The following EYS variants were observed in gnomAD, a reference collection of about 807,000 sequenced individuals.
EYS encodes the protein protein eyes shut homolog.
A neutral mutation model predicts 282.1 loss-of-function variants in EYS; 250 were observed. That is an observed-to-expected ratio of 0.89 (90% CI 0.80 to 0.98). The LOEUF (loss-of-function observed/expected upper bound fraction) is 0.98. EYS is among the 50% of genes least tolerant of loss of function. EYS has a pLI of 0.00. For synonymous variants in EYS, 1,355 were observed against 1,282.9 expected (o/e 1.06, Z -1.20); for missense variants, 4,016 against 3,709.0 (o/e 1.08, Z -2.15).
At chr6:64,652,405 C>T (rs1488805911) in intron 22 of EYS, among the ~76,000 whole-genome samples, 1 of 152,132 alleles carries the variant, frequency 6.6e-6, no homozygotes, top group African/African-American at 2.4e-5. Flanking sequence ...GGGCAAGGAC[C>T]TAACGATGCA....
rs577982527 is a variant in EYS, at chr6:65,179,728, C to T, written c.2023+116135G>A. Among the ~76,000 whole-genome samples, 208 of 152,174 alleles carry T rather than the reference C, an allele frequency of 1.4e-3. 2 individuals are homozygous for T. Among genetic ancestry groups the T allele is most frequent in the Middle Eastern group, 3.4e-3 (1 of 294 alleles). ...TTATGAGGCCAGTATCATCCTGATA[C>T]CAAAGCCTGGCAGAGACACAACATA... On this transcript the variant is annotated intron_variant, in intron 12 of 42. Coordinates refer to ENST00000503581, the MANE Select transcript of EYS (RefSeq NM_001142800.2).
At chr6:64,710,964 C>T (rs554975094) in intron 22 of EYS, among the ~76,000 whole-genome samples, 11 of 152,222 alleles carry the variant, frequency 7.2e-5, no homozygotes, top group Admixed American at 6.5e-4. Context: ...CTGAAAGTTA[C>T]ACAGGGATTC....
chr6:65,106,033 A>G (rs1288852838), intron 12 of EYS, among the ~76,000 whole-genome samples: 3 of 151,974 alleles, frequency 2.0e-5, no homozygotes, highest in Non-Finnish European at 2.9e-5. Context: ...CAGACCATAC[A>G]GCAGCATAAT....
intron 15 of EYS, among the ~76,000 whole-genome samples, chr6:64,935,820 C>T (rs539783891): frequency 6.6e-6 from 1 of 151,664 alleles, no homozygotes; most frequent in African/African-American, 2.4e-5. Flanking sequence ...AAAATGTGTT[C>T]CACAAAATAA....
chr6:64,580,251 G>A (rs1445270119), intron 26 of EYS, among the ~76,000 whole-genome samples: 1 of 152,038 alleles, frequency 6.6e-6, no homozygotes, highest in African/African-American at 2.4e-5. Flanking sequence ...AACTCCTCCT[G>A]AAAAAGCCCA....
rs147391939 is a variant in EYS at position 63,915,257 on chromosome 6, G to T, written c.7056-50899C>A. On this transcript the variant is annotated intron_variant, in intron 35 of 42. Transcript: ENST00000503581. Reference sequence around the variant, plus strand: ...AAATCCTAGGGCCTTTAAGAATTATGCTAAAGCCATTCTGCTTGTGCTCTA... The same window carrying T: ...AAATCCTAGGGCCTTTAAGAATTATTCTAAAGCCATTCTGCTTGTGCTCTA... 3.6e-3 allele frequency among the ~76,000 whole-genome samples: 552 copies of T among 152,204 alleles called. 3 individuals carry two copies. Among genetic ancestry groups the T allele is most frequent in the African/African-American group, 0.012 (495 of 41,536 alleles).
At chr6:65,212,011 A>G (rs1766187947) in intron 12 of EYS, among the ~76,000 whole-genome samples, 1 of 152,084 alleles carries the variant, frequency 6.6e-6, no homozygotes, top group Admixed American at 6.6e-5. Context: ...TGATTATGGA[A>G]AACACCATTG....
intron 2 of EYS, among the ~76,000 whole-genome samples, chr6:65,594,618 G>A (rs1332728767): frequency 6.6e-6 from 1 of 152,034 alleles, no homozygotes; most frequent in East Asian, 1.9e-4. Flanking sequence ...TAGGTTGCCT[G>A]TTCATTCTGA....
chr6:63,766,330 C>T (rs775060709), intron 40 of EYS, among the ~76,000 whole-genome samples: 5 of 151,972 alleles, frequency 3.3e-5, no homozygotes, highest in African/African-American at 9.7e-5. Flanking sequence ...CCATTAATTC[C>T]GTAAGAGCAG....
chr6:65,393,522 T>C (rs1766141217), intron 7 of EYS, among the ~76,000 whole-genome samples: 2 of 152,184 alleles, frequency 1.3e-5, no homozygotes, highest in South Asian at 2.1e-4. Context: ...TTTTTCAAAA[T>C]TAATAAGAAA....
chr6:64,233,079 A>G (rs1316761163), intron 30 of EYS, among the ~76,000 whole-genome samples: 2 of 152,202 alleles, frequency 1.3e-5, no homozygotes, highest in East Asian at 3.9e-4. Context: ...TTTCTCAGGA[A>G]TAAATTAGAA....
chr6:64,971,009 C>A (rs895658356), intron 14 of EYS, among the ~76,000 whole-genome samples: 1 of 151,992 alleles, frequency 6.6e-6, no homozygotes, highest in Non-Finnish European at 1.5e-5. Context: ...CAGGATTGCT[C>A]TAAGGAAGGC....
chr6:65,679,138 G>T (rs1376535433), intron 1 of EYS, among the ~76,000 whole-genome samples: 2 of 151,888 alleles, frequency 1.3e-5, no homozygotes, highest in Non-Finnish European at 2.9e-5. Flanking sequence ...ATATGATCTA[G>T]AAATTCTACT....
intron 29 of EYS, among the ~76,000 whole-genome samples, chr6:64,369,981 A>G (rs892077286): frequency 2.0e-5 from 3 of 152,084 alleles, no homozygotes; most frequent in Admixed American, 1.3e-4. Flanking sequence ...GCAAACAGGG[A>G]TAGTTTGACT....
intron 37 of EYS, among the ~76,000 whole-genome samples, chr6:63,799,160 C>G (rs1255438691): frequency 6.6e-6 from 1 of 151,030 alleles, no homozygotes; most frequent in African/African-American, 2.4e-5. Context: ...ATTACAGGTG[C>G]CTGCCACCAC....
At chr6:65,209,494 A>G (rs1766119750) in intron 12 of EYS, among the ~76,000 whole-genome samples, 2 of 151,920 alleles carry the variant, frequency 1.3e-5, no homozygotes, top group African/African-American at 2.4e-5. Flanking sequence ...TTATTTTCAT[A>G]TCCTTGAGCC....
At chr6:63,813,848 G>T (rs969564045) in intron 36 of EYS, among the ~76,000 whole-genome samples, 3 of 152,126 alleles carry the variant, frequency 2.0e-5, no homozygotes, top group African/African-American at 7.2e-5. Context: ...ACTCCAGAAT[G>T]CCAGTTTTCC....
At chr6:64,695,740 A>G (rs1770556973) in intron 22 of EYS, among the ~76,000 whole-genome samples, 1 of 151,868 alleles carries the variant, frequency 6.6e-6, no homozygotes, top group Non-Finnish European at 1.5e-5. Flanking sequence ...ATGCACCACC[A>G]TGCCCGGCTA....
At chr6:64,046,568 A>C (rs1231580966) in intron 33 of EYS, among the ~76,000 whole-genome samples, 1 of 151,996 alleles carries the variant, frequency 6.6e-6, no homozygotes, top group Non-Finnish European at 1.5e-5. Context: ...TCAACCAGAA[A>C]CACAATAGAA....
Sources: allele counts gnomAD v4.1 joint callset (sites outside exome capture counted in the v4.1 genomes callset), GRCh38; gene constraint gnomAD v4.1.1; transcripts MANE v1.5; gene names NCBI Gene and HGNC (gene_info 2026-07-23, HGNC 2026-07-21).